Variants in CDH13 observed in about 807,000 individuals in gnomAD.
CDH13 encodes the protein cadherin-13.
A neutral mutation model predicts 63.8 loss-of-function variants in CDH13; 24 were observed. The ratio of observed to expected loss-of-function variants is 0.38; its 90% CI spans 0.27 to 0.53. The LOEUF is 0.53. CDH13 is among the 20% of genes least tolerant of loss of function. CDH13 has a pLI of 0.85. For synonymous variants in CDH13, 503 were observed against 355.3 expected (o/e 1.42, Z -4.67); for missense variants, 1,049 against 903.1 (o/e 1.16, Z -2.07).
chr16:83,399,219 G>C (rs28367524), intron 6 of CDH13, among the ~76,000 whole-genome samples: 1,693 of 152,270 alleles, frequency 0.011, 30 homozygotes, highest in African/African-American at 0.039. Context: ...TAGTTTTCTT[G>C]TCTAAACAGT....
At chr16:83,714,119 G>T (rs1908519127) in intron 10 of CDH13, among the ~76,000 whole-genome samples, 1 of 152,144 alleles carries the variant, frequency 6.6e-6, no homozygotes, top group Non-Finnish European at 1.5e-5. Flanking sequence ...AAATCAGGTG[G>T]TCTTACAGGA....
chr16:82,964,615 A>G (rs1907538961), intron 2 of CDH13, among the ~76,000 whole-genome samples: 2 of 152,248 alleles, frequency 1.3e-5, no homozygotes, highest in South Asian at 4.1e-4. Flanking sequence ...AATAAAAGAA[A>G]GAAACCAACT....
chr16:83,391,544 A>C (rs1260619511), intron 6 of CDH13, among the ~76,000 whole-genome samples: 1 of 152,190 alleles, frequency 6.6e-6, no homozygotes, highest in South Asian at 2.1e-4. Flanking sequence ...CAATTATACT[A>C]TAAAGGAACA....
intron 2 of CDH13, among the ~76,000 whole-genome samples, chr16:82,999,427 T>A (rs1597383093): frequency 1.3e-5 from 2 of 151,738 alleles, no homozygotes; most frequent in East Asian, 3.9e-4. Context: ...AGGGAAGAAA[T>A]ATCATAACCA....
At chr16:83,712,042 CTCTG>C (rs1172896852) in intron 10 of CDH13, among the ~76,000 whole-genome samples, 1 of 152,238 alleles carries the variant, frequency 6.6e-6, no homozygotes, top group Non-Finnish European at 1.5e-5. Context: ...AGTCTTCCCT[CTCTG>C]TCTGTCTGTG....
At chr16:82,707,890 G>A (rs781309421) in intron 1 of CDH13, among the ~76,000 whole-genome samples, 71 of 152,176 alleles carry the variant, frequency 4.7e-4, no homozygotes, top group Non-Finnish European at 8.2e-4. Flanking sequence ...GTTAGGGAAA[G>A]ACCAAGCTTC....
intron 5 of CDH13, among the ~76,000 whole-genome samples, chr16:83,260,180 C>T (rs1284813444): frequency 6.6e-6 from 1 of 150,386 alleles, no homozygotes; most frequent in Non-Finnish European, 1.5e-5. Flanking sequence ...AATACTTAGT[C>T]TATGTGGTGC....
chr16:83,323,674 T>C (rs1032539550), intron 5 of CDH13, among the ~76,000 whole-genome samples: 1 of 152,178 alleles, frequency 6.6e-6, no homozygotes, highest in African/African-American at 2.4e-5. Context: ...ACATTTTATT[T>C]TCTACCTGTC....
intron 4 of CDH13, among the ~76,000 whole-genome samples, chr16:83,131,921 G>A (rs1567860874): frequency 6.6e-6 from 1 of 152,114 alleles, no homozygotes; most frequent in South Asian, 2.1e-4. Flanking sequence ...CACTCAACCA[G>A]GACTCCGCTT....
chr16:82,872,528 T>C (rs1051799752), intron 2 of CDH13, among the ~76,000 whole-genome samples: 5 of 152,234 alleles, frequency 3.3e-5, no homozygotes, highest in Non-Finnish European at 5.9e-5. Context: ...TTGGGAAAGA[T>C]TAAGCATAGC....
chr16:82,780,546 T>C lies in CDH13; in HGVS notation c.46-77816T>C, dbSNP rs185833507. On this transcript the variant is annotated intron_variant, in intron 1 of 13. Transcript: ENST00000567109. ...CCAGGTGATGCTGACATTTTGTAATTATCACTATCTATAATTTTCATCTTA... is the reference window on the plus strand; with the variant it reads ...CCAGGTGATGCTGACATTTTGTAATCATCACTATCTATAATTTTCATCTTA... Among the ~76,000 whole-genome samples, 14 of 150,748 alleles carry C rather than the reference T, an allele frequency of 9.3e-5. No homozygotes were observed. The East Asian group carries it at 2.7e-3, about 29-fold the overall frequency.
intron 1 of CDH13, among the ~76,000 whole-genome samples, chr16:82,817,945 A>C (rs2151193734): frequency 1.7e-5 from 1 of 59,516 alleles, no homozygotes; most frequent in East Asian, 2.6e-3. Context: ...TTATAAATGC[A>C]TGTATATATA....
chr16:83,585,798 T>C (rs1906100370), intron 7 of CDH13, among the ~76,000 whole-genome samples: 1 of 151,932 alleles, frequency 6.6e-6, no homozygotes, highest in African/African-American at 2.4e-5. Flanking sequence ...AGCTGGGAAA[T>C]GGGCTCCCAC....
chr16:82,700,951 AC>A (rs1287553502), intron 1 of CDH13, among the ~76,000 whole-genome samples: 35 of 13,830 alleles, frequency 2.5e-3, no homozygotes, highest in Middle Eastern at 0.062. Context: ...AAGTGCTGGA[AC>A]CCGCCCCCCC....
intron 13 of CDH13, among the ~76,000 whole-genome samples, chr16:83,784,557 G>A (rs368147802): frequency 5.3e-5 from 8 of 151,596 alleles, no homozygotes; most frequent in Non-Finnish European, 1.0e-4. Flanking sequence ...ACTTGAACCC[G>A]GGAGGCGGAG....
chr16:82,701,160 C>T (rs925172573), intron 1 of CDH13, among the ~76,000 whole-genome samples: 1 of 151,992 alleles, frequency 6.6e-6, no homozygotes, highest in Non-Finnish European at 1.5e-5. Context: ...ATTTCTTTCT[C>T]TTCCTCACCT....
chr16:82,967,776 T>C lies in CDH13; in HGVS notation c.158-64234T>C, dbSNP rs142356889. Among the ~76,000 whole-genome samples the C allele has an allele frequency of 1.7e-3, 266 of 152,364 alleles. 1 individual carries two copies. Among genetic ancestry groups the C allele is most frequent in the African/African-American group, 6.1e-3 (254 of 41,592 alleles). ...TATCAGGCAGCATGTAGCAGGCTTT[T>C]GTGTCCTTACTGGTGACATTAACTT... On this transcript the variant is annotated intron_variant, in intron 2 of 13. Coordinates refer to ENST00000567109, the MANE Select transcript of CDH13 (RefSeq NM_001257.5).
At chr16:83,566,617 C>T (rs1055034622) in intron 7 of CDH13, among the ~76,000 whole-genome samples, 10 of 152,148 alleles carry the variant, frequency 6.6e-5, no homozygotes, top group Non-Finnish European at 1.5e-4. Flanking sequence ...TGGGTTTACC[C>T]TCCTTGTACC....
At chr16:83,051,321 C>G (rs752414454) in intron 3 of CDH13, among the ~76,000 whole-genome samples, 1 of 152,194 alleles carries the variant, frequency 6.6e-6, no homozygotes, top group Non-Finnish European at 1.5e-5. Context: ...ACATCTATCT[C>G]TAAGGGATGG....
Sources: allele counts gnomAD v4.1 joint callset (sites outside exome capture counted in the v4.1 genomes callset), GRCh38; gene constraint gnomAD v4.1.1; transcripts MANE v1.5; gene names NCBI Gene and HGNC (gene_info 2026-07-23, HGNC 2026-07-21).